Variants in AGBL1 observed in about 807,000 individuals in gnomAD.
AGBL1 encodes AGBL carboxypeptidase 1, also known as cytosolic carboxypeptidase 4.
In AGBL1, 130 loss-of-function variants were observed where a neutral mutation model predicts 118.9. The ratio of observed to expected loss-of-function variants is 1.09; its 90% CI spans 0.95 to 1.26. The LOEUF (loss-of-function observed/expected upper bound fraction) is 1.26, where lower values mean the gene tolerates loss of function less well. Among genes scored for constraint, AGBL1 ranks in the 50% most tolerant of loss-of-function variants. The pLI is 0.00. For synonymous variants in AGBL1, 555 were observed against 478.9 expected (o/e 1.16, Z -2.08); for missense variants, 1,584 against 1,298.1 (o/e 1.22, Z -3.38).
chr15:86,200,750 G>C (rs1227171606), intron 5 of AGBL1, among the ~76,000 whole-genome samples: 1 of 151,626 alleles, frequency 6.6e-6, no homozygotes, highest in Non-Finnish European at 1.5e-5. Flanking sequence ...CTGAGTAACT[G>C]GGATTATAGG....
chr15:86,699,378 A>C (rs2086317510), intron 22 of AGBL1, among the ~76,000 whole-genome samples: 1 of 152,094 alleles, frequency 6.6e-6, no homozygotes. Context: ...ATGTAAAAAC[A>C]ATGTACAAAT....
intron 17 of AGBL1, among the ~76,000 whole-genome samples, chr15:86,369,574 T>C (rs2080941476): frequency 6.6e-6 from 1 of 152,114 alleles, no homozygotes; most frequent in Admixed American, 6.5e-5. Flanking sequence ...ATGTAACCAG[T>C]AATACCAATA....
Position 86,788,498 on chromosome 15 carries a change from C to T in AGBL1, c.3158+114062C>T, listed in dbSNP as rs79148237. Among the ~76,000 whole-genome samples the T allele has an allele frequency of 7.0e-3, 1,063 of 152,190 alleles. 59 individuals are homozygous for T. The East Asian group carries it at 0.15, about 22-fold the overall frequency. Reference sequence around the variant, plus strand: ...GGGACAATATTGGAGCCATTGATTTCTTCATTTGTAAAATACTTATAGAAC... The same window carrying T: ...GGGACAATATTGGAGCCATTGATTTTTTCATTTGTAAAATACTTATAGAAC... On this transcript the variant is annotated intron_variant, in intron 22 of 22. Coordinates refer to ENST00000614907, the MANE Select transcript of AGBL1 (RefSeq NM_001386094.1).
At chr15:86,222,005 G>A (rs1189754100) in intron 5 of AGBL1, among the ~76,000 whole-genome samples, 1 of 152,188 alleles carries the variant, frequency 6.6e-6, no homozygotes, top group Non-Finnish European at 1.5e-5. Context: ...GTCTGGTGAA[G>A]TTCAGTTTCC....
rs554955954 is a variant in AGBL1, at chr15:86,267,984, G to C, written c.1838+908G>C. 1.1e-4 allele frequency among the ~76,000 whole-genome samples: 17 copies of C among 152,296 alleles called. 1 individual carries two copies. The South Asian group carries it at 3.1e-3, about 28-fold the overall frequency. On this transcript the variant is annotated intron_variant, in intron 13 of 22. Coordinates refer to ENST00000614907, the MANE Select transcript of AGBL1 (RefSeq NM_001386094.1). ...GCCTTTATTTCCTCACTCACAAAAT[G>C]AGAACAATAATCGCACCTACTACTT...
At chr15:86,981,693 G>A (rs2081233159) in intron 23 of AGBL1, among the ~76,000 whole-genome samples, 1 of 152,108 alleles carries the variant, frequency 6.6e-6, no homozygotes. Context: ...GTCCTTGCTT[G>A]ATTTAAATTG....
intron 22 of AGBL1, among the ~76,000 whole-genome samples, chr15:86,821,359 A>G (rs1341016246): frequency 2.6e-5 from 4 of 152,186 alleles, no homozygotes; most frequent in Non-Finnish European, 4.4e-5. Context: ...ACAAAAAAGC[A>G]TGTTAAATAT....
chr15:86,094,489 A>G (rs1896228634), intron 1 of AGBL1, among the ~76,000 whole-genome samples: 1 of 152,080 alleles, frequency 6.6e-6, no homozygotes, highest in African/African-American at 2.4e-5. Context: ...TCATGCAGGA[A>G]GTTTATTGGG....
chr15:86,543,921 A>T (rs571148874), intron 19 of AGBL1, among the ~76,000 whole-genome samples: 1 of 152,332 alleles, frequency 6.6e-6, no homozygotes, highest in East Asian at 1.9e-4. Flanking sequence ...CTTTTTCTTC[A>T]TAGATAAGGA....
intron 17 of AGBL1, among the ~76,000 whole-genome samples, chr15:86,389,758 G>A (rs1317179007): frequency 6.6e-6 from 1 of 151,776 alleles, no homozygotes; most frequent in Non-Finnish European, 1.5e-5. Flanking sequence ...GGTAACTGCT[G>A]AAAAAGAATA....
intron 21 of AGBL1, among the ~76,000 whole-genome samples, chr15:86,639,782 C>T (rs2085161082): frequency 6.6e-6 from 1 of 152,148 alleles, no homozygotes; most frequent in Non-Finnish European, 1.5e-5. Flanking sequence ...GCAAGTTCTC[C>T]TTAGCAGGCA....
intron 5 of AGBL1, among the ~76,000 whole-genome samples, chr15:86,175,223 T>C (rs562204679): frequency 1.3e-5 from 2 of 152,252 alleles, no homozygotes; most frequent in East Asian, 3.9e-4. Flanking sequence ...ATTTCCTATT[T>C]CTTCCTGGTT....
intron 22 of AGBL1, among the ~76,000 whole-genome samples, chr15:86,714,375 G>C (rs1000500907): frequency 1.3e-5 from 2 of 152,132 alleles, no homozygotes; most frequent in African/African-American, 4.8e-5. Flanking sequence ...GCACAGCAAA[G>C]ACTCAAACAG....
intron 22 of AGBL1, among the ~76,000 whole-genome samples, chr15:86,787,971 C>G (rs1019296168): frequency 2.6e-5 from 4 of 152,080 alleles, no homozygotes; most frequent in African/African-American, 9.7e-5. Context: ...TTCCATGAAA[C>G]TGTGGTGCAT....
intron 22 of AGBL1, among the ~76,000 whole-genome samples, chr15:86,770,976 G>A (rs1315341978): frequency 1.3e-5 from 2 of 151,964 alleles, no homozygotes; most frequent in Non-Finnish European, 2.9e-5. Flanking sequence ...CTGGACTATT[G>A]GCAGGATTGA....
chr15:86,760,573 T>C (rs1169236136), intron 22 of AGBL1, among the ~76,000 whole-genome samples: 1 of 152,074 alleles, frequency 6.6e-6, no homozygotes, highest in Non-Finnish European at 1.5e-5. Context: ...AATGGACCTA[T>C]GTAAAAACCA....
chr15:86,191,962 G>A (rs187685306), intron 5 of AGBL1, among the ~76,000 whole-genome samples: 1 of 151,184 alleles, frequency 6.6e-6, no homozygotes, highest in African/African-American at 2.4e-5. Context: ...TTAGCTAGGT[G>A]TAATGGCATG....
At chr15:86,681,822 T>C (rs757466164) in intron 22 of AGBL1, among the ~76,000 whole-genome samples, 6 of 152,104 alleles carry the variant, frequency 3.9e-5, no homozygotes, top group African/African-American at 1.2e-4. Context: ...TGGGTGATTG[T>C]GTTGGAGAGG....
intron 17 of AGBL1, among the ~76,000 whole-genome samples, chr15:86,340,304 C>CA (rs1555469063): frequency 6.0e-5 from 9 of 149,676 alleles, no homozygotes; most frequent in African/African-American, 2.2e-4. Flanking sequence ...GCCCCCCCCC[C>CA]ATTCATGTCT....
Sources: gnomAD v4.1 joint callset for allele counts (sites outside exome capture counted in the v4.1 genomes callset) on GRCh38, gnomAD v4.1.1 for gene constraint, MANE v1.5 for transcripts, NCBI Gene and HGNC (gene_info 2026-07-23, HGNC 2026-07-21) for gene names.